ERC2: variants seen among roughly 807,000 people sequenced by gnomAD.
The protein encoded by ERC2 is ELKS/RAB6-interacting/CAST family member 2.
A neutral mutation model predicts 114.8 loss-of-function variants in ERC2; 42 were observed. The ratio of observed to expected loss-of-function variants is 0.37; its 90% confidence interval spans 0.29 to 0.47. ERC2 has a LOEUF of 0.47. Among genes scored for constraint, ERC2 ranks in the 20% least tolerant of loss-of-function variants. The probability of loss-of-function intolerance (pLI) is 0.99; values close to 1 mark genes in which losing one functional copy is unlikely to be tolerated. For missense variants in ERC2, 939 were observed against 1,150.7 expected, an observed-to-expected ratio of 0.82 and a Z score of 2.66; for synonymous variants, 454 against 425.5, an observed-to-expected ratio of 1.07 and a Z score of -0.82.
chr3:56,107,563 T>C (rs1169615287), intron 6 of ERC2, among the ~76,000 whole-genome samples: 1 of 152,166 alleles, frequency 6.6e-6, no homozygotes, highest in African/African-American at 2.4e-5. Flanking sequence ...TCTGATACTC[T>C]GCTTTCACCC....
At chr3:56,004,286 C>A (rs1409889548) in intron 10 of ERC2, among the ~76,000 whole-genome samples, 1 of 151,968 alleles carries the variant, frequency 6.6e-6, no homozygotes, top group Non-Finnish European at 1.5e-5. Context: ...TCTTGGGTGT[C>A]TACTTAAGAT....
At chr3:55,997,916 G>GTTTTTTT (rs1559997072) in intron 10 of ERC2, among the ~76,000 whole-genome samples, 1 of 21,936 alleles carries the variant, frequency 4.6e-5, no homozygotes, top group Non-Finnish European at 8.5e-5. Flanking sequence ...TTGTGTGTGT[G>GTTTTTTT]TGTGTGTTTT....
At chr3:55,868,601 C>A (rs2062433029) in intron 14 of ERC2, among the ~76,000 whole-genome samples, 1 of 152,178 alleles carries the variant, frequency 6.6e-6, no homozygotes. Context: ...CCGTCCTAGC[C>A]CTCTGCTGGC....
intron 15 of ERC2, among the ~76,000 whole-genome samples, chr3:55,721,396 A>C (rs2064539892): frequency 6.6e-6 from 1 of 152,278 alleles, no homozygotes; most frequent in Non-Finnish European, 1.5e-5. Context: ...TAGGCTCTGC[A>C]AAAGCGAATC....
intron 14 of ERC2, among the ~76,000 whole-genome samples, chr3:55,778,323 T>C (rs2068772387): frequency 1.3e-5 from 2 of 152,226 alleles, no homozygotes; most frequent in Admixed American, 6.5e-5. Context: ...GGCACTTTTA[T>C]ACCACATTCA....
intron 1 of ERC2, among the ~76,000 whole-genome samples, chr3:56,464,711 A>G (rs1444236258): frequency 6.6e-6 from 1 of 152,192 alleles, no homozygotes; most frequent in African/African-American, 2.4e-5. Flanking sequence ...TACCATGAAT[A>G]TTGGTGCTTT....
intron 15 of ERC2, among the ~76,000 whole-genome samples, chr3:55,708,975 C>T (rs1447560177): frequency 6.6e-6 from 1 of 152,042 alleles, no homozygotes; most frequent in South Asian, 2.1e-4. Context: ...TATTGAGATT[C>T]GGACTCTAGA....
chr3:55,554,147 G>A (rs1202529401), intron 17 of ERC2, among the ~76,000 whole-genome samples: 1 of 152,078 alleles, frequency 6.6e-6, no homozygotes, highest in African/African-American at 2.4e-5. Context: ...GGTAGAATGC[G>A]GTGTTCTAGG....
intron 3 of ERC2, among the ~76,000 whole-genome samples, chr3:56,258,167 G>A (rs1386878234): frequency 2.0e-5 from 3 of 152,152 alleles, no homozygotes; most frequent in Non-Finnish European, 4.4e-5. Context: ...CTAGGACCCT[G>A]CAGTGCACCT....
At chr3:56,415,607 T>C (rs1363803137) in intron 2 of ERC2, among the ~76,000 whole-genome samples, 1 of 152,270 alleles carries the variant, frequency 6.6e-6, no homozygotes, top group Non-Finnish European at 1.5e-5. Context: ...TCTTTTCCCC[T>C]CTGCACTCTT....
At chr3:55,536,998 C>T (rs371690878) in intron 17 of ERC2, among the ~76,000 whole-genome samples, 4 of 152,164 alleles carry the variant, frequency 2.6e-5, no homozygotes, top group East Asian at 3.9e-4. Flanking sequence ...AAAAGAAAAG[C>T]GTCTAGAATA....
chr3:55,866,164 G>C (rs1331654682), intron 14 of ERC2, among the ~76,000 whole-genome samples: 1 of 151,988 alleles, frequency 6.6e-6, no homozygotes, highest in Non-Finnish European at 1.5e-5. Flanking sequence ...GATGTAAAGT[G>C]GTATCTCATT....
At chr3:56,130,110 T>A (rs941986455) in intron 6 of ERC2, among the ~76,000 whole-genome samples, 1 of 152,232 alleles carries the variant, frequency 6.6e-6, no homozygotes, top group Non-Finnish European at 1.5e-5. Flanking sequence ...AAAAGAGTAC[T>A]GTAAAATATC....
At chr3:56,167,876 T>C (rs1165902281) in intron 4 of ERC2, among the ~76,000 whole-genome samples, 2 of 152,114 alleles carry the variant, frequency 1.3e-5, no homozygotes, top group Non-Finnish European at 2.9e-5. Flanking sequence ...TGATAACACA[T>C]GCATGTAAAA....
chr3:56,088,116 C>A (rs967367323), intron 6 of ERC2, among the ~76,000 whole-genome samples: 1 of 152,150 alleles, frequency 6.6e-6, no homozygotes, highest in African/African-American at 2.4e-5. Context: ...TACCACACTC[C>A]TTTTCTTCCT....
rs1174721748 is a variant in ERC2, at chr3:56,093,584, A to G, written c.1474-12600T>C. Among the ~76,000 whole-genome samples the G allele has an allele frequency of 2.6e-5, 4 of 152,156 alleles. No homozygotes were observed. The East Asian group carries it at 7.7e-4, about 29-fold the overall frequency. On this transcript the variant is annotated intron_variant, in intron 6 of 17. Coordinates refer to ENST00000288221, the MANE Select transcript of ERC2 (RefSeq NM_015576.3). ...TACCAGTTTGTACCACATTCATATC[A>G]GTGTAAATTCATGCGTGGAAAACAC...
At chr3:55,797,593 A>C (rs2070623057) in intron 14 of ERC2, among the ~76,000 whole-genome samples, 1 of 152,232 alleles carries the variant, frequency 6.6e-6, no homozygotes, top group African/African-American at 2.4e-5. Context: ...CAGTGAGGGA[A>C]AGATAGTGGA....
chr3:56,002,906 G>C (rs941587016), intron 10 of ERC2, among the ~76,000 whole-genome samples: 1 of 152,130 alleles, frequency 6.6e-6, no homozygotes, highest in South Asian at 2.1e-4. Context: ...ATTTTCTTGA[G>C]TTATTAATTT....
intron 14 of ERC2, among the ~76,000 whole-genome samples, chr3:55,792,413 A>G (rs2070111924): frequency 6.6e-6 from 1 of 152,198 alleles, no homozygotes; most frequent in Admixed American, 6.5e-5. Flanking sequence ...AAAAGCCATT[A>G]TCTTATTAAT....
Sources: gnomAD v4.1 joint callset for allele counts (sites outside exome capture counted in the v4.1 genomes callset) on GRCh38, gnomAD v4.1.1 for gene constraint, MANE v1.5 for transcripts, NCBI Gene and HGNC (gene_info 2026-07-23, HGNC 2026-07-21) for gene names.